Variants in RBFOX1 observed in about 807,000 individuals in gnomAD.
RBFOX1 encodes RNA binding fox-1 homolog 1.
A neutral mutation model predicts 57.7 loss-of-function variants in RBFOX1; 8 were observed. That is an observed-to-expected ratio of 0.14 (90% CI 0.08 to 0.25). RBFOX1 has a LOEUF of 0.25. RBFOX1 is among the 10% of genes least tolerant of loss of function. The probability of loss-of-function intolerance (pLI) is 1.00; values close to 1 mark genes in which losing one functional copy is unlikely to be tolerated. For synonymous variants in RBFOX1, 326 were observed against 222.4 expected (o/e 1.47, Z -4.15); for missense variants, 611 against 548.5 (o/e 1.11, Z -1.14).
chr16:6,158,294 C>G (rs9929361), intron 1 of RBFOX1, among the ~76,000 whole-genome samples: 1 of 151,996 alleles, frequency 6.6e-6, no homozygotes, highest in Non-Finnish European at 1.5e-5. Context: ...GCATCACAGG[C>G]GATGCACCTA....
chr16:6,951,580 T>C (rs1331611979), intron 3 of RBFOX1, among the ~76,000 whole-genome samples: 3 of 152,128 alleles, frequency 2.0e-5, no homozygotes, highest in African/African-American at 7.2e-5. Flanking sequence ...TTTCTCTCCT[T>C]GTACCTTGTT....
intron 4 of RBFOX1, among the ~76,000 whole-genome samples, chr16:7,366,768 A>G (rs2097457783): frequency 2.0e-5 from 3 of 152,130 alleles, no homozygotes; most frequent in African/African-American, 7.2e-5. Flanking sequence ...GCAGAGAAAA[A>G]CACATAAAGG....
chr16:6,950,951 G>A (rs1353860196), intron 3 of RBFOX1, among the ~76,000 whole-genome samples: 1 of 150,854 alleles, frequency 6.6e-6, no homozygotes, highest in Non-Finnish European at 1.5e-5. Context: ...TGTTTCTCAG[G>A]CTGGAGTGCA....
chr16:5,386,655 T>C (rs796404848), intron 1 of RBFOX1, among the ~76,000 whole-genome samples: 1 of 152,236 alleles, frequency 6.6e-6, no homozygotes. Flanking sequence ...TTTTCACCTT[T>C]ACCCCCGGCA....
chr16:5,580,181 G>A (rs1326696442), intron 2 of RBFOX1, among the ~76,000 whole-genome samples: 6 of 152,216 alleles, frequency 3.9e-5, no homozygotes. Context: ...CCAGCGTAGT[G>A]ATGGTGCCTA....
chr16:6,841,293 A>G (rs2093448442), intron 3 of RBFOX1, among the ~76,000 whole-genome samples: 1 of 152,202 alleles, frequency 6.6e-6, no homozygotes, highest in Non-Finnish European at 1.5e-5. Context: ...TGATAAGGAC[A>G]TTAGATTTTG....
intron 4 of RBFOX1, among the ~76,000 whole-genome samples, chr16:7,111,368 A>G (rs1425901387): frequency 6.6e-6 from 1 of 152,062 alleles, no homozygotes; most frequent in Non-Finnish European, 1.5e-5. Context: ...TTTCCCTACC[A>G]TTTTTTCCTC....
chr16:5,530,024 A>G (rs67589710), intron 2 of RBFOX1, among the ~76,000 whole-genome samples: 61,403 of 151,906 alleles, frequency 0.4, 14,688 homozygotes, highest in East Asian at 0.85. Flanking sequence ...GAAGGAACCA[A>G]CCATGCAGAC....
intron 3 of RBFOX1, among the ~76,000 whole-genome samples, chr16:5,765,409 C>A (rs2053741062): frequency 6.6e-6 from 1 of 152,216 alleles, no homozygotes. Flanking sequence ...CCATTAAAAA[C>A]TCTTACCAGC....
chr16:5,960,573 G>C (rs1055100323), intron 4 of RBFOX1, among the ~76,000 whole-genome samples: 3 of 151,840 alleles, frequency 2.0e-5, no homozygotes, highest in African/African-American at 7.3e-5. Flanking sequence ...CTTTTTTCTT[G>C]CCTTTTTTAG....
chr16:7,543,568 A>G (rs2083531141), intron 5 of RBFOX1, among the ~76,000 whole-genome samples: 1 of 151,958 alleles, frequency 6.6e-6, no homozygotes. Context: ...GACACAACTG[A>G]TTGAATCCAG....
At chr16:5,677,038 A>G (rs2050188338) in intron 3 of RBFOX1, among the ~76,000 whole-genome samples, 2 of 152,234 alleles carry the variant, frequency 1.3e-5, no homozygotes, top group South Asian at 4.1e-4. Context: ...TAGAAAATCA[A>G]CTAAAACCGG....
intron 3 of RBFOX1, among the ~76,000 whole-genome samples, chr16:6,984,120 G>A (rs2007555): frequency 0.07 from 10,672 of 152,192 alleles, 514 homozygotes; most frequent in Non-Finnish European, 0.11. Context: ...GATGGCAGGC[G>A]CTTGTAATCT....
At chr16:5,620,219 A>G (rs1050780117) in intron 3 of RBFOX1, among the ~76,000 whole-genome samples, 2 of 152,098 alleles carry the variant, frequency 1.3e-5, no homozygotes, top group African/African-American at 4.8e-5. Flanking sequence ...CAGTCCTGGC[A>G]TTAGCCCCGT....
chr16:5,892,372 C>T (rs983571127), intron 4 of RBFOX1, among the ~76,000 whole-genome samples: 3 of 152,188 alleles, frequency 2.0e-5, no homozygotes, highest in African/African-American at 7.2e-5. Flanking sequence ...TCATTGCTTA[C>T]TTCCTGGATG....
chr16:7,669,179 C>T (rs1281739674), intron 13 of RBFOX1, among the ~76,000 whole-genome samples: 1 of 152,182 alleles, frequency 6.6e-6, no homozygotes, highest in Non-Finnish European at 1.5e-5. Context: ...GCTGGGATTA[C>T]AGGTGTGACC....
chr16:7,227,076 G>C (rs914865601), intron 4 of RBFOX1, among the ~76,000 whole-genome samples: 2 of 151,986 alleles, frequency 1.3e-5, no homozygotes, highest in African/African-American at 4.8e-5. Context: ...ATTCTTACCT[G>C]GCCAGTTTCT....
chr16:5,644,250 T>G (rs2151338429), intron 3 of RBFOX1, among the ~76,000 whole-genome samples: 1 of 152,288 alleles, frequency 6.6e-6, no homozygotes, highest in East Asian at 1.9e-4. Flanking sequence ...ATTAAATAGG[T>G]TAAGGCTGTA....
chr16:6,177,234 C>CT (rs1466808404), intron 1 of RBFOX1, among the ~76,000 whole-genome samples: 36 of 149,076 alleles, frequency 2.4e-4, no homozygotes, highest in African/African-American at 8.9e-4. Context: ...TCCTTGCCCT[C>CT]TGCCACCATC....
Sources: gnomAD v4.1 joint callset for allele counts (sites outside exome capture counted in the v4.1 genomes callset) on GRCh38, gnomAD v4.1.1 for gene constraint, MANE v1.5 for transcripts, NCBI Gene and HGNC (gene_info 2026-07-23, HGNC 2026-07-21) for gene names.